Variants in SLTM observed in about 807,000 individuals in gnomAD.
SLTM encodes the protein SAFB-like transcription modulator.
SLTM carries 43 observed loss-of-function variants against 134.6 expected under a neutral mutation model. The ratio of observed to expected loss-of-function variants is 0.32; its 90% CI spans 0.25 to 0.41. The LOEUF (loss-of-function observed/expected upper bound fraction) is 0.41. SLTM is among the 10% of genes least tolerant of loss of function. The pLI, the probability that SLTM is intolerant of heterozygous loss-of-function variation, is 1.00. For missense variants in SLTM, 1,055 were observed against 1,288.8 expected, an observed-to-expected ratio of 0.82 and a Z score of 2.78; for synonymous variants, 424 against 432.3, an observed-to-expected ratio of 0.98 and a Z score of 0.24.
At chr15:58,894,223 G>A (rs764014911) in intron 10 of SLTM, 30 bp from the exon 11 acceptor site, 3 of 1,530,336 alleles carry the variant, frequency 2.0e-6, no homozygotes, top group Non-Finnish European at 2.7e-6. Context: ...AAAACAATTT[G>A]TACATATGGT....
At chr15:58,881,313 A>G (rs1306098582) in intron 20 of SLTM, among the ~76,000 whole-genome samples, 1 of 152,118 alleles carries the variant, frequency 6.6e-6, no homozygotes, top group Non-Finnish European at 1.5e-5. Flanking sequence ...CACCTGAGGA[A>G]CAGGAGTTTG....
intron 2 of SLTM, among the ~76,000 whole-genome samples, chr15:58,929,342 G>C (rs2141247722): frequency 6.6e-6 from 1 of 152,176 alleles, no homozygotes; most frequent in South Asian, 2.1e-4. Context: ...CAGCTACTCG[G>C]GAGGCTGAGG....
chr15:58,911,089 G>A (rs1424412603), intron 5 of SLTM, among the ~76,000 whole-genome samples: 3 of 152,140 alleles, frequency 2.0e-5, no homozygotes, highest in East Asian at 3.9e-4. Flanking sequence ...CTTAGGGACA[G>A]GCCTACAGAC....
intron 5 of SLTM, among the ~76,000 whole-genome samples, chr15:58,910,199 AG>A: frequency 6.6e-6 from 1 of 152,344 alleles, no homozygotes; most frequent in Middle Eastern, 3.4e-3. Flanking sequence ...TGCAGAAGGG[AG>A]AAAGTAAACA....
chr15:58,901,138 TA>T, intron 6 of SLTM, 121 bp downstream of exon 6: 1 of 806,796 alleles, frequency 1.2e-6, no homozygotes, highest in Non-Finnish European at 2.0e-6. Context: ...CTTAATTCAC[TA>T]AATGGATAAA....
chr15:58,917,788 C>G (rs1221110994), intron 2 of SLTM, among the ~76,000 whole-genome samples: 2 of 152,078 alleles, frequency 1.3e-5, no homozygotes, highest in Admixed American at 1.3e-4. Context: ...CGCACTCTGT[C>G]GCCCAGGCTG....
Position 58,893,066 on chromosome 15 carries a change from GA to G in SLTM, c.1735-7del. 6.4e-7 allele frequency: 1 copy of G among 1,565,898 alleles called. No individual in the cohort carries two copies. The highest frequency in any genetic ancestry group is 8.6e-7 in the Non-Finnish European group (1 of 1,164,682). On this transcript the variant is annotated splice_polypyrimidine_tract_variant and splice_region_variant and intron_variant, in intron 13 of 20. Transcript: ENST00000380516. ...TCCTTACTTCTTCCATGAATCTGTA[GA>G]AAAAAATTAGAAGAACACTAGAAAT...
At chr15:58,897,006 C>A in intron 9 of SLTM, 109 bp downstream of exon 9, 1 of 708,082 alleles carries the variant, frequency 1.4e-6, no homozygotes, top group Non-Finnish European at 2.5e-6. Flanking sequence ...ATTAACAGTC[C>A]TAAGAGATAC....
chr15:58,881,779 T>C (rs551095345), intron 20 of SLTM, among the ~76,000 whole-genome samples: 2 of 152,232 alleles, frequency 1.3e-5, no homozygotes, highest in South Asian at 4.1e-4. Flanking sequence ...TTTCTTTTTG[T>C]AGAGACAGGG....
chr15:58,923,799 C>CTTT lies in SLTM; in HGVS notation c.251-6803_251-6801dup, dbSNP rs34100406. 5.0e-3 allele frequency among the ~76,000 whole-genome samples: 346 copies of CTTT among 69,606 alleles called. 15 individuals are homozygous for CTTT. The highest frequency in any genetic ancestry group is 7.2e-3 in the African/African-American group (131 of 18,258). 45.7% of individuals were successfully genotyped at this position (69,606 alleles called of 152,430 possible). On this transcript the variant is annotated intron_variant, in intron 2 of 20. Coordinates refer to ENST00000380516, the MANE Select transcript of SLTM (RefSeq NM_024755.4). ...AGTGTAAGGCAGATTGAAGCCAAAC[C>CTTT]TTTTTTTTTTTTTTTTTTTTTTTTT...
rs2034830471 is a variant in SLTM at position 58,893,505 on chromosome 15, C to T, written c.1649-141G>A. 4.6e-6 allele frequency: 3 copies of T among 653,222 alleles called. No individual in the cohort carries two copies. In the East Asian group the frequency reaches 8.6e-5, roughly 19 times the overall value. 40.5% of individuals were successfully genotyped at this position (653,222 alleles called of 1,614,324 possible). The stretch of plus-strand genomic sequence containing the variant: ...TACTTATTCTACAAGAACTTCAATG[C>T]AAAGAGTTTTTTAAACAGTTCAGTC... On this transcript the variant is annotated intron_variant, in intron 12 of 20. Coordinates refer to ENST00000380516, the MANE Select transcript of SLTM (RefSeq NM_024755.4).
chr15:58,893,741 G>T, intron 12 of SLTM, 80 bp downstream of exon 12: 1 of 1,443,024 alleles, frequency 6.9e-7, no homozygotes, highest in South Asian at 1.4e-5. Flanking sequence ...ATCTGGATTA[G>T]AATTTCAGGT....
chr15:58,898,672 C>G, intron 8 of SLTM, 131 bp downstream of exon 8: 3 of 649,244 alleles, frequency 4.6e-6, no homozygotes, highest in Middle Eastern at 3.2e-4. Flanking sequence ...ATATAAAGAC[C>G]ATCTCAAGTT....
At position 58,891,410 on chromosome 15, in the gene SLTM, A is replaced by G. The variant is rs77050965; in HGVS notation, c.1899-949T>C. Among the ~76,000 whole-genome samples the G allele has an allele frequency of 2.0e-3, 308 of 152,310 alleles. 5 individuals carry two copies. The East Asian group carries it at 0.057, about 28-fold the overall frequency. On this transcript the variant is annotated intron_variant, in intron 14 of 20. Coordinates refer to ENST00000380516, the MANE Select transcript of SLTM (RefSeq NM_024755.4). The stretch of plus-strand genomic sequence containing the variant: ...AAATAATATGTCAGTCTAGAACTCA[A>G]CCCCATTTTTAATAAATACTGTTTG...
chr15:58,903,362 G>A (rs1273237002), intron 5 of SLTM, among the ~76,000 whole-genome samples: 1 of 152,198 alleles, frequency 6.6e-6, no homozygotes, highest in Non-Finnish European at 1.5e-5. Context: ...AGAAAACTAA[G>A]CAGAAGTACG....
intron 16 of SLTM, chr15:58,889,162 G>A (rs1162683836): frequency 3.1e-6 from 1 of 321,180 alleles, no homozygotes; most frequent in East Asian, 6.2e-5. Context: ...TTCAAAATCT[G>A]TTTAATTATT....
At chr15:58,927,904 A>C (rs2037595231) in intron 2 of SLTM, among the ~76,000 whole-genome samples, 1 of 152,232 alleles carries the variant, frequency 6.6e-6, no homozygotes, top group Non-Finnish European at 1.5e-5. Context: ...TATATGGCTG[A>C]TTACTACATT....
intron 19 of SLTM, among the ~76,000 whole-genome samples, chr15:58,886,613 G>T (rs2034231827): frequency 6.6e-6 from 1 of 151,898 alleles, no homozygotes; most frequent in Non-Finnish European, 1.5e-5. Context: ...CACAAGTAGG[G>T]GCCAAAGATT....
chr15:58,900,940 G>GT (rs1567126907), intron 6 of SLTM: 2 of 263,600 alleles, frequency 7.6e-6, no homozygotes, highest in Non-Finnish European at 7.2e-6. Context: ...AGTTACTGCA[G>GT]TGTCAGTCTT....
Sources: allele counts gnomAD v4.1 joint callset (sites outside exome capture counted in the v4.1 genomes callset), GRCh38; gene constraint gnomAD v4.1.1; transcripts MANE v1.5; gene names NCBI Gene and HGNC (gene_info 2026-07-23, HGNC 2026-07-21).